Variants in SNTG1 observed in about 807,000 individuals in gnomAD.
SNTG1 encodes the protein syntrophin gamma 1.
Under a neutral mutation model 74.7 loss-of-function variants are expected in SNTG1, and 39 were observed. The observed-to-expected ratio is 0.52, with a 90% confidence interval of 0.40 to 0.68. SNTG1 has a LOEUF of 0.68. SNTG1 is among the 30% of genes least tolerant of loss of function. SNTG1 has a pLI of 0.00. For synonymous variants in SNTG1, 254 were observed against 217.1 expected (o/e 1.17, Z -1.49); for missense variants, 685 against 609.5 (o/e 1.12, Z -1.30).
chr8:50,658,573 AT>A lies in SNTG1; in HGVS notation c.967-15del. 6.5e-7 allele frequency: 1 copy of A among 1,543,618 alleles called. No individual in the cohort carries two copies. Among genetic ancestry groups the A allele is most frequent in the Non-Finnish European group, 8.9e-7 (1 of 1,124,586 alleles). On this transcript the variant is annotated intron_variant, in intron 14 of 18. Transcript: ENST00000642720. ...AACTTTCTAAAACAAATTAAACATT[AT>A]TTTCTTATCTTTTAAAGGTGACCAC... is the stretch of plus-strand genomic sequence containing the variant.
At chr8:50,181,844 T>G (rs2083216981) in intron 2 of SNTG1, among the ~76,000 whole-genome samples, 2 of 152,218 alleles carry the variant, frequency 1.3e-5, no homozygotes, top group Admixed American at 1.3e-4. Context: ...TATTTCTTAA[T>G]ATGTAGAAAA....
chr8:50,661,709 A>G (rs2095224688), intron 15 of SNTG1, among the ~76,000 whole-genome samples: 1 of 151,732 alleles, frequency 6.6e-6, no homozygotes, highest in African/African-American at 2.4e-5. Context: ...CTTGCCCCCA[A>G]CCTCCCAACA....
chr8:50,594,184 A>C (rs1054179317), intron 13 of SNTG1, among the ~76,000 whole-genome samples: 1 of 152,204 alleles, frequency 6.6e-6, no homozygotes, highest in Non-Finnish European at 1.5e-5. Flanking sequence ...ATTAGAGGTA[A>C]AGGCATATAG....
chr8:50,040,453 A>C (rs967443652), intron 1 of SNTG1, among the ~76,000 whole-genome samples: 1 of 152,162 alleles, frequency 6.6e-6, no homozygotes, highest in African/African-American at 2.4e-5. Context: ...TAAACTGTAT[A>C]TCTTAATTTG....
At chr8:50,341,642 A>G (rs1435165609) in intron 2 of SNTG1, among the ~76,000 whole-genome samples, 1 of 151,980 alleles carries the variant, frequency 6.6e-6, no homozygotes, top group Non-Finnish European at 1.5e-5. Context: ...ACATTGTAGT[A>G]AAAAATGTAA....
chr8:50,362,949 T>C (rs928783019), intron 2 of SNTG1, among the ~76,000 whole-genome samples: 2 of 152,076 alleles, frequency 1.3e-5, no homozygotes, highest in African/African-American at 2.4e-5. Flanking sequence ...GAATTGCCAA[T>C]AGATGATTGC....
Position 50,779,769 on chromosome 8 carries a change from C to CA in SNTG1, c.1396-12902_1396-12901insA, listed in dbSNP as rs1554633394. ...AATAGGAGTGGTGAGAGAGGGCATCCTGTCTTGTGCCAGTTTTCAAAGGGA... is the reference window on the plus strand; with the variant it reads ...AATAGGAGTGGTGAGAGAGGGCATCCATGTCTTGTGCCAGTTTTCAAAGGGA... On this transcript the variant is annotated intron_variant, in intron 18 of 18. Transcript: ENST00000642720. Among the ~76,000 whole-genome samples the CA allele has an allele frequency of 6.6e-5, 10 of 151,562 alleles. No homozygotes were observed. The East Asian group carries it at 1.9e-3, about 29-fold the overall frequency.
intron 4 of SNTG1, among the ~76,000 whole-genome samples, chr8:50,422,923 C>G (rs371788321): frequency 1.8e-4 from 27 of 152,170 alleles, no homozygotes; most frequent in African/African-American, 5.8e-4. Flanking sequence ...TAAACTATAA[C>G]CTAAATAGCT....
intron 12 of SNTG1, among the ~76,000 whole-genome samples, chr8:50,563,991 C>A (rs562464091): frequency 6.6e-6 from 1 of 152,262 alleles, no homozygotes; most frequent in Non-Finnish European, 1.5e-5. Context: ...TCATTACATT[C>A]ATCCATTTGT....
chr8:50,149,067 CCTGA>C (rs1312735310), intron 1 of SNTG1, among the ~76,000 whole-genome samples: 2 of 152,304 alleles, frequency 1.3e-5, no homozygotes, highest in Middle Eastern at 3.4e-3. Flanking sequence ...CCTGTAGTTT[CCTGA>C]CTCTTTATGA....
chr8:50,054,199 G>A (rs905304034), intron 1 of SNTG1, among the ~76,000 whole-genome samples: 9 of 151,980 alleles, frequency 5.9e-5, no homozygotes, highest in Non-Finnish European at 1.0e-4. Context: ...GTGACAACAC[G>A]ACTCATCTTT....
intron 2 of SNTG1, among the ~76,000 whole-genome samples, chr8:50,273,809 T>A (rs2087922568): frequency 6.6e-6 from 1 of 152,160 alleles, no homozygotes; most frequent in Non-Finnish European, 1.5e-5. Flanking sequence ...CATGTTTGAC[T>A]GAAGCCAAAG....
At chr8:50,442,200 C>A (rs2093363873) in intron 5 of SNTG1, among the ~76,000 whole-genome samples, 1 of 152,176 alleles carries the variant, frequency 6.6e-6, no homozygotes, top group African/African-American at 2.4e-5. Flanking sequence ...AATGTCCCTT[C>A]CTGGTTGTGC....
intron 1 of SNTG1, among the ~76,000 whole-genome samples, chr8:50,023,372 G>C (rs1345706684): frequency 6.6e-6 from 1 of 152,102 alleles, no homozygotes; most frequent in African/African-American, 2.4e-5. Flanking sequence ...ATGCAGAGAA[G>C]AGATATTTTA....
At chr8:50,293,361 T>C (rs1387750735) in intron 2 of SNTG1, among the ~76,000 whole-genome samples, 1 of 151,944 alleles carries the variant, frequency 6.6e-6, no homozygotes, top group Non-Finnish European at 1.5e-5. Flanking sequence ...TCTTCTTATA[T>C]AGAACCAGTC....
At chr8:50,577,770 T>C (rs2094585458) in intron 12 of SNTG1, among the ~76,000 whole-genome samples, 1 of 152,204 alleles carries the variant, frequency 6.6e-6, no homozygotes, top group Admixed American at 6.5e-5. Flanking sequence ...CTGCTGTTCT[T>C]TTACTTATGT....
chr8:50,780,701 C>T lies in SNTG1; in HGVS notation c.1396-11970C>T, dbSNP rs6981728. ...TGAAGGCTTTTTTGTGTCTCTATTT[C>T]CTTCAGTTCTGCTCTGATTTTAGTT... On this transcript the variant is annotated intron_variant, in intron 18 of 18. Transcript: ENST00000642720. 5.5e-3 allele frequency among the ~76,000 whole-genome samples: 833 copies of T among 152,254 alleles called. 7 individuals are homozygous for T. The highest frequency in any genetic ancestry group is 0.019 in the African/African-American group (786 of 41,552).
chr8:50,762,691 G>A (rs1174557244), intron 18 of SNTG1: 3 of 478,082 alleles, frequency 6.3e-6, no homozygotes, highest in Non-Finnish European at 1.3e-5. Context: ...TCTACCCGAA[G>A]AGACCATGGA....
intron 4 of SNTG1, among the ~76,000 whole-genome samples, chr8:50,408,566 G>A (rs1300622319): frequency 6.6e-6 from 1 of 152,110 alleles, no homozygotes; most frequent in East Asian, 1.9e-4. Context: ...GGTGCCATCA[G>A]CCCCAACATT....
Sources: gnomAD v4.1 joint callset for allele counts (sites outside exome capture counted in the v4.1 genomes callset) on GRCh38, gnomAD v4.1.1 for gene constraint, MANE v1.5 for transcripts, NCBI Gene and HGNC (gene_info 2026-07-23, HGNC 2026-07-21) for gene names.